The following AP1S3 variants were observed in gnomAD, a reference collection of about 807,000 sequenced individuals.
The protein encoded by AP1S3 is AP-1 complex subunit sigma-3.
AP1S3 carries 10 observed loss-of-function variants against 20.9 expected under a neutral mutation model. The observed-to-expected ratio is 0.48, with a 90% confidence interval of 0.29 to 0.81. AP1S3 has a LOEUF of 0.81. Ranked by LOEUF, AP1S3 falls within the 30% of genes least tolerant of loss-of-function variation. AP1S3 has a pLI of 0.08. For missense variants in AP1S3, 154 were observed against 183.8 expected, an observed-to-expected ratio of 0.84 and a Z score of 0.94; for synonymous variants, 41 against 61.5, an observed-to-expected ratio of 0.67 and a Z score of 1.56.
At chr2:223,765,952 C>T (rs949055881) in intron 3 of AP1S3, among the ~76,000 whole-genome samples, 1 of 152,116 alleles carries the variant, frequency 6.6e-6, no homozygotes, top group Admixed American at 6.5e-5. Flanking sequence ...CTGAGGCCGC[C>T]GGACTGCGGG....
chr2:223,795,391 C>A (rs1032248438), intron 1 of AP1S3, among the ~76,000 whole-genome samples: 1 of 152,218 alleles, frequency 6.6e-6, no homozygotes, highest in Non-Finnish European at 1.5e-5. Flanking sequence ...ACTTTTTACA[C>A]ATGTTCTTAG....
chr2:223,779,825 C>T lies in AP1S3; in HGVS notation c.4-1956G>A, dbSNP rs531849097. Among the ~76,000 whole-genome samples the T allele has an allele frequency of 2.0e-5, 3 of 152,020 alleles. No individual in the cohort carries two copies. The South Asian group carries it at 6.2e-4, about 32-fold the overall frequency. ...TCTAATAAAAATACAAAATTAGCCA[C>T]GTGTGGTGGTGCATGCTTGTAGTCC... On this transcript the variant is annotated intron_variant, in intron 1 of 4. Transcript: ENST00000396654.
At chr2:223,832,089 A>C (rs1230915215) in intron 1 of AP1S3, among the ~76,000 whole-genome samples, 1 of 42,960 alleles carries the variant, frequency 2.3e-5, no homozygotes. Flanking sequence ...AAAAAAAAAA[A>C]TCAAAAAAAG....
At chr2:223,769,736 ATTTTTTTTTTTTT>A (rs61207667) in intron 3 of AP1S3, among the ~76,000 whole-genome samples, 4 of 80,146 alleles carry the variant, frequency 5.0e-5, no homozygotes, top group Middle Eastern at 0.018. Context: ...ATGCAATCCC[ATTTTTTTTTTTTT>A]TTTTTTTTTT....
chr2:223,807,015 C>G (rs1691598284), intron 1 of AP1S3, among the ~76,000 whole-genome samples: 2 of 152,182 alleles, frequency 1.3e-5, no homozygotes, highest in South Asian at 4.2e-4. Flanking sequence ...CTCTGTAATT[C>G]CACCCTTTGG....
intron 1 of AP1S3, among the ~76,000 whole-genome samples, chr2:223,799,381 AAGAAACCATTC>A (rs1188621911): frequency 3.9e-5 from 6 of 152,162 alleles, no homozygotes; most frequent in African/African-American, 1.2e-4. Context: ...GAGTTCCTAG[AAGAAACCATTC>A]TTGCCAGGCT....
chr2:223,796,041 C>G (rs891782047), intron 1 of AP1S3, among the ~76,000 whole-genome samples: 170 of 152,202 alleles, frequency 1.1e-3, no homozygotes, highest in Non-Finnish European at 1.6e-4. Context: ...GACGCGGTGG[C>G]AGGCATCTGT....
intron 1 of AP1S3, among the ~76,000 whole-genome samples, chr2:223,824,222 C>G (rs141333505): frequency 6.6e-6 from 1 of 151,930 alleles, no homozygotes; most frequent in African/African-American, 2.4e-5. Context: ...AGGCTGGCCT[C>G]GAACTTTTGG....
rs939433853 is a variant in AP1S3, at chr2:223,755,776, C to T, written c.*2939G>A. 1.8e-5 allele frequency: 17 copies of T among 931,592 alleles called. No homozygotes were observed. Among genetic ancestry groups the T allele is most frequent in the Admixed American group, 1.2e-4 (2 of 16,186 alleles). The allele number at this position is 931,592 out of a possible 1,614,324, so 57.7% of individuals were successfully genotyped here. A position where few individuals can be genotyped will look rare whatever the true frequency, so the allele number is the denominator to read the frequency against. Reference sequence around the variant, plus strand: ...GAACTCCTGACCTCAGGTGATCTGCCGCCTTGACCTCCCAAAGTGCTGGGA... The same window carrying T: ...GAACTCCTGACCTCAGGTGATCTGCTGCCTTGACCTCCCAAAGTGCTGGGA... On this transcript the variant is annotated 3_prime_UTR_variant, in exon 5 of 5. Coordinates refer to ENST00000396654, the MANE Select transcript of AP1S3 (RefSeq NM_001039569.2).
At chr2:223,827,264 G>A (rs1425496478) in intron 1 of AP1S3, among the ~76,000 whole-genome samples, 1 of 152,108 alleles carries the variant, frequency 6.6e-6, no homozygotes, top group Non-Finnish European at 1.5e-5. Context: ...CTGAAGGTAA[G>A]TACTTGTTTA....
chr2:223,833,732 C>A (rs375388051), intron 1 of AP1S3, among the ~76,000 whole-genome samples: 2 of 152,320 alleles, frequency 1.3e-5, no homozygotes, highest in African/African-American at 4.8e-5. Flanking sequence ...TTCTTTCTTA[C>A]AACTTGAAGG....
Position 223,832,133 on chromosome 2 carries a change from CTCTGTGTGTG to C in AP1S3, c.3+5305_3+5314del, listed in dbSNP as rs1349143758. ...CTGGGGATTATTAAAGGAGTTTTCT[CTCTGTGTGTG>C]TGTGTGTGTGTGTGTGTGTGTGTGT... is the stretch of plus-strand genomic sequence containing the variant. On this transcript the variant is annotated intron_variant, in intron 1 of 4. Coordinates refer to ENST00000396654, the MANE Select transcript of AP1S3 (RefSeq NM_001039569.2). Among the ~76,000 whole-genome samples, 82 of 43,016 alleles carry C rather than the reference CTCTGTGTGTG, an allele frequency of 1.9e-3. 2 individuals are homozygous for C. The highest frequency in any genetic ancestry group is 6.3e-3 in the African/African-American group (80 of 12,626). The allele number at this position is 43,016 out of a possible 152,430, so 28.2% of individuals were successfully genotyped here. A position where few individuals can be genotyped will look rare whatever the true frequency, so the allele number is the denominator to read the frequency against.
In AP1S3 at chr2:223,757,463, T is replaced by C. The variant is rs556722763; in HGVS notation, c.*1252A>G. On this transcript the variant is annotated 3_prime_UTR_variant, in exon 5 of 5. Transcript: ENST00000396654. ...CACTGTACCCGGCCTAATTTTTGTA[T>C]TTTTAGTAGAGATGGGGTTTCATCA... 3.3e-3 allele frequency: 1,392 copies of C among 416,842 alleles called. 4 individuals carry two copies. Among genetic ancestry groups the C allele is most frequent in the Non-Finnish European group, 4.1e-3 (1,292 of 311,448 alleles). The allele number at this position is 416,842 out of a possible 1,614,324, so 25.8% of individuals were successfully genotyped here.
At chr2:223,770,467 G>T in intron 3 of AP1S3, 2 of 1,092,040 alleles carry the variant, frequency 1.8e-6, no homozygotes, top group Non-Finnish European at 1.2e-6. Context: ...TAAGGGTAAG[G>T]TAAGGTGGTA....
chr2:223,758,600 C>T lies in AP1S3; in HGVS notation c.*115G>A. 1 of 1,370,760 alleles carries T rather than the reference C, an allele frequency of 7.3e-7. No individual in the cohort carries two copies. The highest frequency in any genetic ancestry group is 9.5e-7 in the Non-Finnish European group (1 of 1,057,460). 84.9% of individuals were successfully genotyped at this position (1,370,760 alleles called of 1,614,324 possible). A position where few individuals can be genotyped will look rare whatever the true frequency, so the allele number is the denominator to read the frequency against. ...TAACTTTGTTAGTTAACAAAGAATC[C>T]CTTTAAATTATTTTTGGCATGGTGC... On this transcript the variant is annotated 3_prime_UTR_variant, in exon 5 of 5. Transcript: ENST00000396654.
intron 4 of AP1S3, among the ~76,000 whole-genome samples, chr2:223,759,928 G>A (rs1690312727): frequency 2.0e-5 from 3 of 152,014 alleles, no homozygotes; most frequent in South Asian, 2.1e-4. Flanking sequence ...CTCCATCCAC[G>A]TCCCTGCAAA....
intron 1 of AP1S3, among the ~76,000 whole-genome samples, chr2:223,836,301 G>C (rs1046752998): frequency 6.6e-6 from 1 of 152,188 alleles, no homozygotes; most frequent in Non-Finnish European, 1.5e-5. Flanking sequence ...CAGCAGGCAA[G>C]AGCAAGAGGA....
chr2:223,810,180 C>G (rs1691689258), intron 1 of AP1S3, among the ~76,000 whole-genome samples: 1 of 152,106 alleles, frequency 6.6e-6, no homozygotes, highest in South Asian at 2.1e-4. Flanking sequence ...GGATCCTGAC[C>G]TCAAACACAG....
rs145046486 is a variant in AP1S3, at chr2:223,818,645, T to A, written c.3+18803A>T. Among the ~76,000 whole-genome samples the A allele has an allele frequency of 9.5e-3, 1,446 of 152,104 alleles. 28 individuals carry two copies. Among genetic ancestry groups the A allele is most frequent in the African/African-American group, 0.032 (1,321 of 41,524 alleles). ...TCAACTCATTGCAACCTCCGCCTCCTGGGTTCAAGCTATTCTCCTGCCTCA... is the reference window on the plus strand; with the variant it reads ...TCAACTCATTGCAACCTCCGCCTCCAGGGTTCAAGCTATTCTCCTGCCTCA... On this transcript the variant is annotated intron_variant, in intron 1 of 4. Transcript: ENST00000396654.
Sources: allele counts gnomAD v4.1 joint callset (sites outside exome capture counted in the v4.1 genomes callset), GRCh38; gene constraint gnomAD v4.1.1; transcripts MANE v1.5; gene names NCBI Gene and HGNC (gene_info 2026-07-23, HGNC 2026-07-21).